OR9Q1: variants seen among roughly 807,000 people sequenced by gnomAD.
The protein encoded by OR9Q1 is olfactory receptor 9Q1.
For missense variants in OR9Q1, 374 were observed against 378.8 expected (o/e 0.99, Z 0.11); for synonymous variants, 153 against 148.6 (o/e 1.03, Z -0.22).
intron 2 of OR9Q1, among the ~76,000 whole-genome samples, chr11:58,158,341 C>G (rs1261188095): frequency 6.6e-6 from 1 of 151,596 alleles, no homozygotes. Flanking sequence ...AACAGGCCAG[C>G]CACACTCTTG....
At position 58,180,340 on chromosome 11, in the gene OR9Q1, C is replaced by A. The variant is rs1854652381; in HGVS notation, c.896C>A (p.Ala299Asp). ...CTGAGGAACAAGGAAGTGAAGGAGGCCCTGAGAAAAATTCTCAATAGAGCC... is the reference window on the plus strand; with the variant it reads ...CTGAGGAACAAGGAAGTGAAGGAGGACCTGAGAAAAATTCTCAATAGAGCC... ...YSLRNKEVKE[A>D]LRKILNRAKL... Residue 299 changes from alanine to aspartate, a missense_variant, in exon 3 of 3, where the codon GCC (alanine) becomes GAC (aspartate). Ala to Asp is a moderately radical substitution (Grantham distance 126, BLOSUM62 -2). Coordinates refer to ENST00000335397, the MANE Select transcript of OR9Q1 (RefSeq NM_001005212.4). 6.3e-7 allele frequency: 1 copy of A among 1,598,256 alleles called. No homozygotes were observed. Among genetic ancestry groups the A allele is most frequent in the South Asian group, 1.1e-5 (1 of 89,246 alleles).
At chr11:58,158,125 C>T (rs1020968701) in intron 2 of OR9Q1, among the ~76,000 whole-genome samples, 1 of 152,192 alleles carries the variant, frequency 6.6e-6, no homozygotes, top group African/African-American at 2.4e-5. Context: ...ATTCTCATGT[C>T]TCTGGGGTAT....
In OR9Q1 at chr11:58,140,194, T is replaced by A. The variant is rs1364447924; in HGVS notation, c.-14-39237T>A. ...GTAGATTCTGGATATTAGCCCTTTG[T>A]CAGTTGTGTAGATTGCAAAAATTTT... On this transcript the variant is annotated intron_variant, in intron 2 of 2. Transcript: ENST00000335397. Among the ~76,000 whole-genome samples the A allele has an allele frequency of 2.0e-5, 3 of 152,326 alleles. No individual in the cohort carries two copies. In the East Asian group the frequency reaches 5.8e-4, roughly 29 times the overall value.
At chr11:58,072,212 GAC>G (rs1383495874) in intron 2 of OR9Q1, among the ~76,000 whole-genome samples, 7 of 151,896 alleles carry the variant, frequency 4.6e-5, no homozygotes, top group African/African-American at 1.7e-4. Flanking sequence ...ATAAAACAAA[GAC>G]AACTTTAAAA....
chr11:58,073,402 C>G (rs1853507227), intron 2 of OR9Q1: 1 of 153,210 alleles, frequency 6.5e-6, no homozygotes, highest in Non-Finnish European at 1.5e-5. Context: ...AATCCAACTG[C>G]TTTATTCATT....
chr11:58,128,904 G>A (rs1854114871), intron 2 of OR9Q1, among the ~76,000 whole-genome samples: 1 of 152,042 alleles, frequency 6.6e-6, no homozygotes, highest in South Asian at 2.1e-4. Context: ...ATACTAAAAA[G>A]GTATTTATGA....
At chr11:58,175,105 CAAAAAAAAAAA>C (rs57623932) in intron 2 of OR9Q1, among the ~76,000 whole-genome samples, 2 of 69,298 alleles carry the variant, frequency 2.9e-5, no homozygotes, top group African/African-American at 5.9e-5. Flanking sequence ...GACTCTGTCT[CAAAAAAAAAAA>C]AAAAAAAAAA....
At chr11:58,111,835 C>G (rs1319747996) in intron 2 of OR9Q1, among the ~76,000 whole-genome samples, 1 of 152,122 alleles carries the variant, frequency 6.6e-6, no homozygotes, top group Non-Finnish European at 1.5e-5. Flanking sequence ...GACTTAATAA[C>G]TCTTCTTGAG....
chr11:58,144,436 TTTA>T (rs148155446), intron 2 of OR9Q1: 32,851 of 151,742 alleles, frequency 0.22, 3,960 homozygotes, highest in Middle Eastern at 0.38. Context: ...TTAATGAGAC[TTTA>T]TTATTATTAT....
At chr11:58,151,549 A>G (rs1413716056) in intron 2 of OR9Q1, among the ~76,000 whole-genome samples, 1 of 152,194 alleles carries the variant, frequency 6.6e-6, no homozygotes, top group East Asian at 1.9e-4. Context: ...CATAATACAA[A>G]CAACATAAAG....
At chr11:58,085,857 C>T (rs193146369) in intron 2 of OR9Q1, among the ~76,000 whole-genome samples, 11 of 151,658 alleles carry the variant, frequency 7.3e-5, no homozygotes, top group African/African-American at 1.9e-4. Context: ...ACAAGAACCC[C>T]GCACCCATCC....
At chr11:58,176,535 T>C (rs1398832251) in intron 2 of OR9Q1, among the ~76,000 whole-genome samples, 1 of 152,152 alleles carries the variant, frequency 6.6e-6, no homozygotes, top group African/African-American at 2.4e-5. Context: ...ATCTCTGCTG[T>C]CCCTGCCTGG....
chr11:58,103,186 C>T (rs539971760), intron 2 of OR9Q1, among the ~76,000 whole-genome samples: 22 of 152,126 alleles, frequency 1.4e-4, no homozygotes, highest in African/African-American at 4.1e-4. Flanking sequence ...GAAGAAAACA[C>T]GTCCTGCTTC....
rs545824383 is a variant in OR9Q1, at chr11:58,029,239, C to T, written c.-93+5135C>T. Among the ~76,000 whole-genome samples the T allele has an allele frequency of 1.4e-4, 22 of 152,288 alleles. No individual in the cohort carries two copies. In the South Asian group the frequency reaches 3.9e-3, roughly 27 times the overall value. On this transcript the variant is annotated intron_variant, in intron 1 of 2. Coordinates refer to ENST00000335397, the MANE Select transcript of OR9Q1 (RefSeq NM_001005212.4). ...AGACAGCTTATTCATCCGGCTGGTA[C>T]GCTGCTGCTGGCTGTCAGTGGAAGC...
intron 1 of OR9Q1, among the ~76,000 whole-genome samples, chr11:58,053,523 C>T (rs1157836217): frequency 6.9e-6 from 1 of 144,218 alleles, no homozygotes; most frequent in Non-Finnish European, 1.5e-5. Context: ...GGGTGCAGCA[C>T]ACCAGCATGG....
intron 2 of OR9Q1, among the ~76,000 whole-genome samples, chr11:58,178,620 G>A (rs1048626301): frequency 5.9e-5 from 9 of 152,034 alleles, no homozygotes; most frequent in Non-Finnish European, 1.2e-4. Context: ...TATTACAATG[G>A]TAGGCAAGAG....
intron 2 of OR9Q1, among the ~76,000 whole-genome samples, chr11:58,065,988 C>A (rs1019809075): frequency 6.6e-6 from 1 of 152,274 alleles, no homozygotes; most frequent in Non-Finnish European, 1.5e-5. Context: ...AGGGAACTCA[C>A]GGAGAGGGGC....
chr11:58,164,298 G>T (rs925690049), intron 2 of OR9Q1, among the ~76,000 whole-genome samples: 3 of 152,092 alleles, frequency 2.0e-5, no homozygotes, highest in African/African-American at 7.2e-5. Context: ...AAGAAAAACG[G>T]ATGATGATAT....
At chr11:58,104,577 A>T (rs1853822069) in intron 2 of OR9Q1, among the ~76,000 whole-genome samples, 1 of 152,220 alleles carries the variant, frequency 6.6e-6, no homozygotes, top group South Asian at 2.1e-4. Context: ...TAATCTGATT[A>T]TTCATGATTT....
Sources: gnomAD v4.1 joint callset for allele counts (sites outside exome capture counted in the v4.1 genomes callset) on GRCh38, gnomAD v4.1.1 for gene constraint, MANE v1.5 for transcripts, NCBI Gene and HGNC (gene_info 2026-07-23, HGNC 2026-07-21) for gene names.